ECT2: variants seen among roughly 807,000 people sequenced by gnomAD.
ECT2 encodes the protein protein ECT2.
In ECT2, 61 loss-of-function variants were observed where a neutral mutation model predicts 116.9. The observed-to-expected ratio is 0.52, with a 90% CI of 0.42 to 0.65. ECT2 has a LOEUF of 0.65. Ranked by LOEUF, ECT2 falls within the 30% of genes least tolerant of loss-of-function variation. The pLI, the probability that ECT2 is intolerant of heterozygous loss-of-function variation, is 0.00. For synonymous variants in ECT2, 358 were observed against 346.4 expected (o/e 1.03, Z -0.37); for missense variants, 937 against 1,078.7 (o/e 0.87, Z 1.84).
At chr3:172,758,246 C>T (rs1717460478) in intron 5 of ECT2, among the ~76,000 whole-genome samples, 1 of 152,110 alleles carries the variant, frequency 6.6e-6, no homozygotes, top group African/African-American at 2.4e-5. Flanking sequence ...CATTCTTAAG[C>T]TTGCCTTGTT....
chr3:172,787,274 G>A (rs1346689827), intron 18 of ECT2, among the ~76,000 whole-genome samples: 1 of 152,200 alleles, frequency 6.6e-6, no homozygotes, highest in Non-Finnish European at 1.5e-5. Context: ...GGGTGCTTCT[G>A]TATGAGAGTT....
At chr3:172,780,935 A>G (rs987436814) in intron 14 of ECT2, among the ~76,000 whole-genome samples, 3 of 152,124 alleles carry the variant, frequency 2.0e-5, no homozygotes, top group African/African-American at 7.2e-5. Flanking sequence ...TTCTAGATAC[A>G]AGTTTTCTTG....
chr3:172,801,934 T>G (rs1005204359), intron 18 of ECT2, among the ~76,000 whole-genome samples: 3 of 152,222 alleles, frequency 2.0e-5, no homozygotes, highest in African/African-American at 7.2e-5. Context: ...TTGGTAAGAC[T>G]TACATAAAAC....
chr3:172,823,751 C>T (rs1366274838), downstream of ECT2, among the ~76,000 whole-genome samples: 1 of 151,790 alleles, frequency 6.6e-6, no homozygotes, highest in East Asian at 1.9e-4. Context: ...TACATGATTG[C>T]TTACAAAAAA....
intron 24 of ECT2, chr3:172,818,928 T>C: frequency 1.2e-6 from 1 of 833,298 alleles, no homozygotes; most frequent in South Asian, 2.4e-5. Flanking sequence ...CACAATGTTA[T>C]GACTGCTTTG....
chr3:172,776,198 CTT>C lies in ECT2; in HGVS notation c.1548+2198_1548+2199del, dbSNP rs60558773. Reference sequence around the variant, plus strand: ...TCAACTATTAGTTTTTCAGTTTTTTCTTTTTTTTTTTTTTTTTTTTTTTGTCA... The same window carrying C: ...TCAACTATTAGTTTTTCAGTTTTTTCTTTTTTTTTTTTTTTTTTTTTGTCA... On this transcript the variant is annotated intron_variant, in intron 14 of 24. Coordinates refer to ENST00000392692, the MANE Select transcript of ECT2 (RefSeq NM_001258315.2). Among the ~76,000 whole-genome samples, 567 of 111,472 alleles carry C rather than the reference CTT, an allele frequency of 5.1e-3. 3 individuals carry two copies. Among genetic ancestry groups the C allele is most frequent in the Non-Finnish European group, 7.3e-3 (403 of 55,090 alleles). The allele number at this position is 111,472 out of a possible 152,430, so 73.1% of individuals were successfully genotyped here. A position where few individuals can be genotyped will look rare whatever the true frequency, so the allele number is the denominator to read the frequency against.
chr3:172,755,623 T>C (rs1156333187), intron 4 of ECT2, 48 bp downstream of exon 4: 1 of 1,004,740 alleles, frequency 1.0e-6, no homozygotes, highest in South Asian at 1.7e-5. Context: ...CTTCCCTTGA[T>C]TGTATTATTC....
At chr3:172,755,261 A>G (rs781716441) in intron 2 of ECT2, 34 bp from the exon 3 acceptor site, 85 of 1,519,172 alleles carry the variant, frequency 5.6e-5, no homozygotes, top group Non-Finnish European at 7.0e-5. Flanking sequence ...ATGTTAATAC[A>G]TGATAAACAT....
intron 18 of ECT2, among the ~76,000 whole-genome samples, chr3:172,792,578 A>T (rs1368178618): frequency 6.6e-6 from 1 of 151,200 alleles, no homozygotes; most frequent in Non-Finnish European, 1.5e-5. Context: ...TGTTGATGGC[A>T]TTTTGGTTGT....
Position 172,759,902 on chromosome 3 carries a change from A to G in ECT2, c.577-254A>G, listed in dbSNP as rs75438133. Reference sequence around the variant, plus strand: ...TATTAAAAAGCAATATATTTAGGCCATAGGAAAGGCGGTTGTTTAACTTAC... The same window carrying G: ...TATTAAAAAGCAATATATTTAGGCCGTAGGAAAGGCGGTTGTTTAACTTAC... On this transcript the variant is annotated intron_variant, in intron 6 of 24. Coordinates refer to ENST00000392692, the MANE Select transcript of ECT2 (RefSeq NM_001258315.2). 1.6e-3 allele frequency among the ~76,000 whole-genome samples: 248 copies of G among 152,342 alleles called. 2 individuals carry two copies. The highest frequency in any genetic ancestry group is 0.012 in the Admixed American group (177 of 15,302).
At chr3:172,794,004 T>A (rs1022303719) in intron 18 of ECT2, among the ~76,000 whole-genome samples, 19 of 152,148 alleles carry the variant, frequency 1.2e-4, no homozygotes, top group African/African-American at 2.9e-4. Flanking sequence ...AGGCTTTTTT[T>A]AAAAAAAGAT....
intron 1 of ECT2, among the ~76,000 whole-genome samples, chr3:172,751,561 A>G (rs1715839590): frequency 6.6e-6 from 1 of 151,560 alleles, no homozygotes; most frequent in African/African-American, 2.5e-5. Context: ...CGTTAAGTAA[A>G]TGTCAGTTGT....
downstream of ECT2, among the ~76,000 whole-genome samples, chr3:172,822,707 A>G (rs13062465): frequency 0.14 from 21,093 of 151,962 alleles, 1,713 homozygotes; most frequent in Non-Finnish European, 0.18. Context: ...AATAGACATG[A>G]CTTTTTAAAA....
At chr3:172,795,001 C>T (rs1177178468) in intron 18 of ECT2, among the ~76,000 whole-genome samples, 1 of 152,080 alleles carries the variant, frequency 6.6e-6, no homozygotes, top group African/African-American at 2.4e-5. Context: ...CATGAGCCAC[C>T]GCACTTGGCC....
chr3:172,818,630 G>T (rs1317288892), intron 24 of ECT2: 1 of 1,288,724 alleles, frequency 7.8e-7, no homozygotes, highest in Non-Finnish European at 1.0e-6. Context: ...ACTGGTGGGC[G>T]CTCTCAGTAC....
At chr3:172,759,096 C>T (rs768629454) in intron 6 of ECT2, 27 bp downstream of exon 6, 31 of 1,469,282 alleles carry the variant, frequency 2.1e-5, no homozygotes, top group Non-Finnish European at 2.4e-5. Context: ...AAATTCAAAG[C>T]GTATTTTTTA....
chr3:172,793,213 T>C (rs1360711456), intron 18 of ECT2, among the ~76,000 whole-genome samples: 2 of 152,168 alleles, frequency 1.3e-5, no homozygotes, highest in Non-Finnish European at 2.9e-5. Context: ...GTCTCCAGGC[T>C]ACAGTGCAGT....
At chr3:172,813,648 CA>C (rs1457453472) in intron 22 of ECT2, among the ~76,000 whole-genome samples, 1 of 151,952 alleles carries the variant, frequency 6.6e-6, no homozygotes, top group African/African-American at 2.4e-5. Context: ...TAAGTATATT[CA>C]TACTGTTGTG....
intron 18 of ECT2, among the ~76,000 whole-genome samples, chr3:172,794,588 G>A (rs1725272495): frequency 6.6e-6 from 1 of 151,922 alleles, no homozygotes; most frequent in African/African-American, 2.4e-5. Context: ...CATAAATTTG[G>A]CATGTGGCTT....
Sources: gnomAD v4.1 joint callset for allele counts (sites outside exome capture counted in the v4.1 genomes callset) on GRCh38, gnomAD v4.1.1 for gene constraint, MANE v1.5 for transcripts, NCBI Gene and HGNC (gene_info 2026-07-23, HGNC 2026-07-21) for gene names.